KDM4C: variants seen among roughly 807,000 people sequenced by gnomAD.
KDM4C encodes the protein lysine-specific demethylase 4C.
In KDM4C, 81 loss-of-function variants were observed where a neutral mutation model predicts 129.3. The ratio of observed to expected loss-of-function variants is 0.63; its 90% CI spans 0.52 to 0.75. The LOEUF is 0.75. Among genes scored for constraint, KDM4C ranks in the 30% least tolerant of loss-of-function variants. The pLI is 0.00. For missense variants in KDM4C, 1,457 were observed against 1,304.0 expected (o/e 1.12, Z -1.81); for synonymous variants, 573 against 456.1 (o/e 1.26, Z -3.26).
At chr9:7,139,777 A>G (rs1265336676) in intron 19 of KDM4C, among the ~76,000 whole-genome samples, 2 of 152,194 alleles carry the variant, frequency 1.3e-5, no homozygotes, top group African/African-American at 2.4e-5. Context: ...TTTATCTCAT[A>G]TCATTATGTA....
intron 8 of KDM4C, among the ~76,000 whole-genome samples, chr9:6,905,546 T>G (rs1013211703): frequency 1.3e-5 from 2 of 152,246 alleles, no homozygotes; most frequent in Non-Finnish European, 2.9e-5. Context: ...TATACACTTA[T>G]GACCTTCAGA....
At chr9:6,940,944 A>G (rs936101467) in intron 8 of KDM4C, among the ~76,000 whole-genome samples, 11 of 152,142 alleles carry the variant, frequency 7.2e-5, no homozygotes, top group African/African-American at 2.7e-4. Flanking sequence ...AGCTTTGTGT[A>G]ATATTTGTTC....
At chr9:6,743,959 G>A (rs1278941151) in intron 1 of KDM4C, among the ~76,000 whole-genome samples, 2 of 151,316 alleles carry the variant, frequency 1.3e-5, no homozygotes, top group African/African-American at 4.9e-5. Flanking sequence ...TGCTACCCAG[G>A]CTGTTCTCAA....
At chr9:7,079,262 G>C (rs1390826451) in intron 17 of KDM4C, among the ~76,000 whole-genome samples, 1 of 152,192 alleles carries the variant, frequency 6.6e-6, no homozygotes, top group Non-Finnish European at 1.5e-5. Flanking sequence ...AGGCCAAAAT[G>C]AGTTTGTTGA....
At chr9:7,139,103 C>G (rs958841168) in intron 19 of KDM4C, among the ~76,000 whole-genome samples, 1 of 151,916 alleles carries the variant, frequency 6.6e-6, no homozygotes, top group African/African-American at 2.4e-5. Context: ...AAAAACCCAT[C>G]TCTACAAAAA....
chr9:7,020,792 A>G (rs931111166), intron 15 of KDM4C, among the ~76,000 whole-genome samples: 3 of 152,200 alleles, frequency 2.0e-5, no homozygotes, highest in Non-Finnish European at 4.4e-5. Flanking sequence ...CATTTCAAGC[A>G]TTTATGCTTT....
chr9:6,971,656 C>T (rs561531438), intron 8 of KDM4C, among the ~76,000 whole-genome samples: 2 of 152,280 alleles, frequency 1.3e-5, no homozygotes, highest in East Asian at 3.9e-4. Context: ...AGATGAATGT[C>T]ATTTCCTGGG....
chr9:7,051,417 T>G (rs1830136019), intron 17 of KDM4C, among the ~76,000 whole-genome samples: 1 of 152,192 alleles, frequency 6.6e-6, no homozygotes, highest in African/African-American at 2.4e-5. Flanking sequence ...AGGATGGCTT[T>G]GAATAATACA....
intron 8 of KDM4C, among the ~76,000 whole-genome samples, chr9:6,926,631 G>A (rs1244882452): frequency 6.6e-6 from 1 of 152,140 alleles, no homozygotes. Context: ...AAGGAAGGCC[G>A]GGTGCTAAGA....
At chr9:7,141,619 A>G (rs978389854) in intron 19 of KDM4C, among the ~76,000 whole-genome samples, 1 of 152,168 alleles carries the variant, frequency 6.6e-6, no homozygotes, top group African/African-American at 2.4e-5. Flanking sequence ...GACACCTGTC[A>G]TTGAGATAGG....
At chr9:6,744,502 C>T (rs975136401) in intron 1 of KDM4C, among the ~76,000 whole-genome samples, 4 of 151,598 alleles carry the variant, frequency 2.6e-5, no homozygotes, top group Non-Finnish European at 5.9e-5. Flanking sequence ...TCCAGTGTGG[C>T]GACAAAGTGA....
intron 18 of KDM4C, among the ~76,000 whole-genome samples, chr9:7,106,978 A>T (rs1391983525): frequency 6.6e-6 from 1 of 152,192 alleles, no homozygotes; most frequent in African/African-American, 2.4e-5. Flanking sequence ...AAGATGGAAA[A>T]AAGTGTGTCA....
At chr9:7,034,281 A>G (rs1827267013) in intron 15 of KDM4C, among the ~76,000 whole-genome samples, 1 of 152,194 alleles carries the variant, frequency 6.6e-6, no homozygotes, top group Admixed American at 6.5e-5. Flanking sequence ...CTACACTGGT[A>G]TAGACCACAG....
chr9:6,788,849 G>A (rs1825974525), intron 1 of KDM4C, among the ~76,000 whole-genome samples: 1 of 152,142 alleles, frequency 6.6e-6, no homozygotes, highest in African/African-American at 2.4e-5. Context: ...GGAATCTCAG[G>A]GGTGTGCAGG....
At chr9:6,730,634 A>G (rs1050922289) in intron 1 of KDM4C, among the ~76,000 whole-genome samples, 4 of 151,788 alleles carry the variant, frequency 2.6e-5, no homozygotes, top group Non-Finnish European at 5.9e-5. Flanking sequence ...AAAAAGTAAT[A>G]ATAATAATAA....
intron 20 of KDM4C, among the ~76,000 whole-genome samples, chr9:7,165,658 G>A (rs1259827788): frequency 6.6e-6 from 1 of 152,214 alleles, no homozygotes; most frequent in African/African-American, 2.4e-5. Flanking sequence ...CTGTTGTATG[G>A]GGAACGACTA....
chr9:6,974,604 C>T lies in KDM4C; in HGVS notation c.922-6321C>T, dbSNP rs147543224. Among the ~76,000 whole-genome samples, 12 of 152,258 alleles carry T rather than the reference C, an allele frequency of 7.9e-5. No individual in the cohort carries two copies. In the East Asian group the frequency reaches 1.5e-3, roughly 20 times the overall value. Reference sequence around the variant, plus strand: ...AACTCCTGACCTCAGGTGCTCTGCCCGCTTCGGCCTCTGAAAGTGCTGGGA... The same window carrying T: ...AACTCCTGACCTCAGGTGCTCTGCCTGCTTCGGCCTCTGAAAGTGCTGGGA... On this transcript the variant is annotated intron_variant, in intron 8 of 21. Transcript: ENST00000381309.
upstream of KDM4C, among the ~76,000 whole-genome samples, chr9:6,755,380 A>G (rs1445096989): frequency 6.6e-6 from 1 of 152,036 alleles, no homozygotes; most frequent in Non-Finnish European, 1.5e-5. Context: ...CAATTATAAA[A>G]AAATGCAAAA....
intron 17 of KDM4C, 90 bp downstream of exon 17, chr9:7,049,290 A>G (rs1829832853): frequency 3.5e-6 from 2 of 564,590 alleles, no homozygotes; most frequent in Non-Finnish European, 6.2e-6. Flanking sequence ...CCCAAGGTAT[A>G]TTTTCTCCTA....
Sources: allele counts gnomAD v4.1 joint callset (sites outside exome capture counted in the v4.1 genomes callset), GRCh38; gene constraint gnomAD v4.1.1; transcripts MANE v1.5; gene names NCBI Gene and HGNC (gene_info 2026-07-23, HGNC 2026-07-21).